Variants in DPP10 observed in about 807,000 individuals in gnomAD.
The protein encoded by DPP10 is dipeptidyl peptidase like 10.
A neutral mutation model predicts 120.9 loss-of-function variants in DPP10; 33 were observed. The ratio of observed to expected loss-of-function variants is 0.27; its 90% CI spans 0.21 to 0.37. DPP10 has a LOEUF of 0.37. DPP10 is among the 10% of genes least tolerant of loss of function. The pLI, the probability that DPP10 is intolerant of heterozygous loss-of-function variation, is 1.00. For synonymous variants in DPP10, 337 were observed against 326.1 expected (o/e 1.03, Z -0.36); for missense variants, 816 against 942.8 (o/e 0.87, Z 1.76).
chr2:115,488,949 A>T (rs1411231598), intron 3 of DPP10, among the ~76,000 whole-genome samples: 1 of 152,158 alleles, frequency 6.6e-6, no homozygotes, highest in African/African-American at 2.4e-5. Context: ...AAGAAACAAA[A>T]AACATACCTT....
chr2:114,636,298 A>G (rs903827453), intron 1 of DPP10, among the ~76,000 whole-genome samples: 4 of 152,028 alleles, frequency 2.6e-5, no homozygotes, highest in Admixed American at 2.0e-4. Context: ...AGTAGTTGAT[A>G]TGTAAATAAA....
chr2:114,790,929 C>T (rs1440967108), intron 1 of DPP10, among the ~76,000 whole-genome samples: 2 of 151,934 alleles, frequency 1.3e-5, no homozygotes, highest in African/African-American at 4.8e-5. Context: ...TGACAATTCT[C>T]ACATAATGAT....
chr2:115,683,962 G>A (rs2090823923), intron 5 of DPP10, among the ~76,000 whole-genome samples: 1 of 151,718 alleles, frequency 6.6e-6, no homozygotes, highest in Non-Finnish European at 1.5e-5. Context: ...AAAATCGCTT[G>A]TACTACTGTC....
At chr2:115,716,633 G>A (rs546851435) in intron 7 of DPP10, among the ~76,000 whole-genome samples, 4 of 152,134 alleles carry the variant, frequency 2.6e-5, no homozygotes, top group South Asian at 4.2e-4. Context: ...AACCAAGTTC[G>A]CTTTTCTATG....
rs1206975288 is a variant in DPP10 at position 115,843,098 on chromosome 2, C to G, written c.*753C>G. 2.0e-5 allele frequency: 3 copies of G among 152,650 alleles called. No homozygotes were observed. The highest frequency in any genetic ancestry group is 7.2e-5 in the African/African-American group (3 of 41,544). 9.5% of individuals were successfully genotyped at this position (152,650 alleles called of 1,614,324 possible). ...ATGAATTAGAAGAGATGCTCTTTTCCAAGCTATAATGGATGCTTTGTTTAA... is the reference window on the plus strand; with the variant it reads ...ATGAATTAGAAGAGATGCTCTTTTCGAAGCTATAATGGATGCTTTGTTTAA... On this transcript the variant is annotated 3_prime_UTR_variant, in exon 26 of 26. Transcript: ENST00000410059.
At chr2:115,413,697 A>G (rs1049988417) in intron 3 of DPP10, among the ~76,000 whole-genome samples, 2 of 152,186 alleles carry the variant, frequency 1.3e-5, no homozygotes, top group African/African-American at 2.4e-5. Flanking sequence ...TAGGCAAGCA[A>G]AAATACAGTT....
chr2:115,298,213 T>G (rs189790518), intron 1 of DPP10, among the ~76,000 whole-genome samples: 2 of 152,166 alleles, frequency 1.3e-5, no homozygotes, highest in East Asian at 3.9e-4. Flanking sequence ...TTAAACATAA[T>G]TTGGAAAATA....
intron 5 of DPP10, among the ~76,000 whole-genome samples, chr2:115,555,560 G>A (rs113220757): frequency 0.041 from 6,228 of 152,136 alleles, 189 homozygotes; most frequent in Middle Eastern, 0.058. Context: ...CCTGAGATGG[G>A]AGAAGGGAAC....
At chr2:115,018,104 A>C (rs997885426) in intron 1 of DPP10, among the ~76,000 whole-genome samples, 21 of 152,350 alleles carry the variant, frequency 1.4e-4, no homozygotes, top group African/African-American at 4.6e-4. Flanking sequence ...CAAACATGAA[A>C]AAAAGCTCAT....
At chr2:114,556,764 A>G (rs574274888) in intron 1 of DPP10, among the ~76,000 whole-genome samples, 1 of 152,288 alleles carries the variant, frequency 6.6e-6, no homozygotes, top group Admixed American at 6.5e-5. Context: ...CCAGCAAAGG[A>G]GGGCAAGAAA....
At chr2:115,464,349 G>A (rs1486242695) in intron 3 of DPP10, among the ~76,000 whole-genome samples, 1 of 151,860 alleles carries the variant, frequency 6.6e-6, no homozygotes, top group Non-Finnish European at 1.5e-5. Context: ...TCTTCTTAAT[G>A]GTCTGGAGAG....
chr2:114,768,071 T>A (rs1680896463), intron 1 of DPP10, among the ~76,000 whole-genome samples: 1 of 142,252 alleles, frequency 7.0e-6, no homozygotes, highest in South Asian at 2.2e-4. Flanking sequence ...GAGGTGGCAG[T>A]GAGCCGAGAT....
At chr2:114,678,407 G>C (rs1438036879) in intron 1 of DPP10, among the ~76,000 whole-genome samples, 2 of 151,920 alleles carry the variant, frequency 1.3e-5, no homozygotes, top group African/African-American at 4.8e-5. Flanking sequence ...AGTTCTATGG[G>C]GAAGTTTTAT....
chr2:114,659,838 C>T (rs560962350), intron 1 of DPP10, among the ~76,000 whole-genome samples: 5 of 152,074 alleles, frequency 3.3e-5, no homozygotes, highest in Admixed American at 2.0e-4. Context: ...TACATACACA[C>T]AGAGGGAAGA....
intron 1 of DPP10, among the ~76,000 whole-genome samples, chr2:114,810,225 G>A (rs111799280): frequency 3.3e-5 from 5 of 152,302 alleles, no homozygotes; most frequent in African/African-American, 1.2e-4. Context: ...AATATGAAGA[G>A]TGATTTCTAG....
At chr2:115,678,504 G>T (rs2090434777) in intron 5 of DPP10, among the ~76,000 whole-genome samples, 2 of 152,146 alleles carry the variant, frequency 1.3e-5, no homozygotes, top group African/African-American at 2.4e-5. Flanking sequence ...GGGAACCTCT[G>T]CCTAGATTTC....
intron 1 of DPP10, among the ~76,000 whole-genome samples, chr2:114,893,490 G>T (rs760422065): frequency 1.4e-4 from 21 of 152,050 alleles, no homozygotes; most frequent in Admixed American, 5.9e-4. Flanking sequence ...AAGTTATGCT[G>T]TGATGAGAAA....
intron 1 of DPP10, chr2:114,835,583 G>A (rs548330200): frequency 1.3e-5 from 2 of 152,232 alleles, no homozygotes; most frequent in African/African-American, 2.4e-5. Flanking sequence ...CTAGTGGAAG[G>A]CTGATCACTT....
chr2:114,547,107 C>G (rs1475997007), intron 1 of DPP10, among the ~76,000 whole-genome samples: 1 of 152,260 alleles, frequency 6.6e-6, no homozygotes, highest in Non-Finnish European at 1.5e-5. Context: ...AAGGCCCCAT[C>G]AAAACAGGCA....
Sources: gnomAD v4.1 joint callset for allele counts (sites outside exome capture counted in the v4.1 genomes callset) on GRCh38, gnomAD v4.1.1 for gene constraint, MANE v1.5 for transcripts, NCBI Gene and HGNC (gene_info 2026-07-23, HGNC 2026-07-21) for gene names.